EPHA5: variants seen among roughly 807,000 people sequenced by gnomAD.
The protein encoded by EPHA5 is ephrin type-A receptor 5.
A neutral mutation model predicts 105.0 loss-of-function variants in EPHA5; 60 were observed. That is an observed-to-expected ratio of 0.57 (90% confidence interval 0.46 to 0.71). The LOEUF (loss-of-function observed/expected upper bound fraction) is 0.71, where lower values mean the gene tolerates loss of function less well. Ranked by LOEUF, EPHA5 falls within the 30% of genes least tolerant of loss-of-function variation. EPHA5 has a pLI of 0.00. For missense variants in EPHA5, 1,218 were observed against 1,274.7 expected (o/e 0.96, Z 0.68); for synonymous variants, 513 against 449.1 (o/e 1.14, Z -1.80).
intron 5 of EPHA5, among the ~76,000 whole-genome samples, chr4:65,465,549 AGGAAG>A (rs761239394): frequency 0.08 from 6,112 of 76,142 alleles, 151 homozygotes; most frequent in Middle Eastern, 0.16. Context: ...AAGGAAGGAA[AGGAAG>A]GAAAGGAAGG....
chr4:65,667,507 C>T (rs992460982), intron 1 of EPHA5, among the ~76,000 whole-genome samples: 5 of 152,084 alleles, frequency 3.3e-5, no homozygotes, highest in Non-Finnish European at 5.9e-5. Flanking sequence ...TCCGTGTAGT[C>T]CAAGTTTTGC....
intron 5 of EPHA5, among the ~76,000 whole-genome samples, chr4:65,429,688 ATTAT>A (rs1308880371): frequency 2.6e-5 from 4 of 152,044 alleles, no homozygotes; most frequent in Non-Finnish European, 2.9e-5. Flanking sequence ...GTGATATTAA[ATTAT>A]TTATCTATTG....
At chr4:65,495,861 G>T (rs1731880952) in intron 3 of EPHA5, among the ~76,000 whole-genome samples, 1 of 152,100 alleles carries the variant, frequency 6.6e-6, no homozygotes, top group Admixed American at 6.6e-5. Context: ...AGTGCTTTGT[G>T]TATAGTTTTC....
chr4:65,491,338 G>C (rs2149216022), intron 4 of EPHA5, among the ~76,000 whole-genome samples: 1 of 152,030 alleles, frequency 6.6e-6, no homozygotes, highest in African/African-American at 2.4e-5. Flanking sequence ...ATTTTACTTT[G>C]ATATTGTTTT....
Position 65,401,904 on chromosome 4 carries a change from TGAGAGA to T in EPHA5, c.1793+2464_1793+2469del, listed in dbSNP as rs34334792. On this transcript the variant is annotated intron_variant, in intron 8 of 16. Transcript: ENST00000613740. ...TATAGAATTTGTGTATGTGTGTGTGTGAGAGAGAGAGAGAGAGAGAGAGAGAGAAAG... is the reference window on the plus strand; with the variant it reads ...TATAGAATTTGTGTATGTGTGTGTGTGAGAGAGAGAGAGAGAGAGAGAAAG... Among the ~76,000 whole-genome samples, 413 of 148,640 alleles carry T rather than the reference TGAGAGA, an allele frequency of 2.8e-3. 1 individual carries two copies. The highest frequency in any genetic ancestry group is 8.2e-3 in the African/African-American group (331 of 40,324).
intron 3 of EPHA5, among the ~76,000 whole-genome samples, chr4:65,600,558 C>G (rs1189001177): frequency 1.3e-5 from 2 of 152,042 alleles, no homozygotes; most frequent in Non-Finnish European, 2.9e-5. Context: ...GATAATCAAT[C>G]TACAGTCAAG....
intron 3 of EPHA5, among the ~76,000 whole-genome samples, chr4:65,566,488 A>T (rs1172331519): frequency 1.3e-5 from 2 of 151,766 alleles, no homozygotes; most frequent in African/African-American, 4.8e-5. Flanking sequence ...ACCATTTGCT[A>T]AATCAATTTC....
At position 65,643,881 on chromosome 4, in the gene EPHA5, C is replaced by T. The variant is rs182601904; in HGVS notation, c.182-454G>A. Among the ~76,000 whole-genome samples, 1,058 of 152,044 alleles carry T rather than the reference C, an allele frequency of 7.0e-3. 15 individuals carry two copies. Among genetic ancestry groups the T allele is most frequent in the African/African-American group, 0.024 (994 of 41,526 alleles). On this transcript the variant is annotated intron_variant, in intron 1 of 16. Transcript: ENST00000613740. ...CAATTAACAAATAATTTACATTAAA[C>T]AGCAATAAACTATTCCCAAGATTGT... is the stretch of plus-strand genomic sequence containing the variant.
In EPHA5 at chr4:65,348,816, T is replaced by TATATATATA. The variant is rs1553896844; in HGVS notation, c.2446-614_2446-613insTATATATAT. Reference sequence around the variant, plus strand: ...GTGTATATATATATATATATATATATTTTTTTTTTTTTTTTTTGAGACAGG... The same window carrying TATATATATA: ...GTGTATATATATATATATATATATATATATATATATTTTTTTTTTTTTTTTTGAGACAGG... On this transcript the variant is annotated intron_variant, in intron 13 of 16. Transcript: ENST00000613740. Among the ~76,000 whole-genome samples the TATATATATA allele has an allele frequency of 3.3e-4, 9 of 27,062 alleles. 1 individual carries two copies. Among genetic ancestry groups the TATATATATA allele is most frequent in the African/African-American group, 9.8e-4 (9 of 9,198 alleles). 17.8% of individuals were successfully genotyped at this position (27,062 alleles called of 152,430 possible).
intron 1 of EPHA5, among the ~76,000 whole-genome samples, chr4:65,645,779 A>G (rs996378519): frequency 1.3e-5 from 2 of 152,128 alleles, no homozygotes; most frequent in Non-Finnish European, 2.9e-5. Flanking sequence ...TTACAGTGAT[A>G]TGGTCAAATA....
At chr4:65,390,538 T>C (rs1720605829) in intron 8 of EPHA5, among the ~76,000 whole-genome samples, 1 of 152,038 alleles carries the variant, frequency 6.6e-6, no homozygotes, top group Admixed American at 6.6e-5. Context: ...TCCGTGTTTC[T>C]TCCTGTGGTC....
chr4:65,475,816 G>A (rs930598391), intron 5 of EPHA5, among the ~76,000 whole-genome samples: 1 of 152,066 alleles, frequency 6.6e-6, no homozygotes, highest in Non-Finnish European at 1.5e-5. Context: ...GATTTGACAC[G>A]AAATAGTAGA....
intron 5 of EPHA5, among the ~76,000 whole-genome samples, chr4:65,426,155 A>G (rs1402255992): frequency 6.6e-6 from 1 of 152,116 alleles, no homozygotes; most frequent in Non-Finnish European, 1.5e-5. Flanking sequence ...TAGGTTGCAC[A>G]TGCTCTATCC....
At chr4:65,420,636 C>T (rs34418451) in intron 5 of EPHA5, 71 bp from the exon 6 acceptor site, 39,278 of 1,393,870 alleles carry the variant, frequency 0.028, 692 homozygotes, top group African/African-American at 0.065. Flanking sequence ...ATGTTTATTA[C>T]GTATATTGGC....
intron 2 of EPHA5, among the ~76,000 whole-genome samples, chr4:65,616,736 C>G (rs962830714): frequency 1.3e-5 from 2 of 151,804 alleles, no homozygotes; most frequent in Non-Finnish European, 2.9e-5. Context: ...TTTTATTCCC[C>G]AAATTCTACT....
chr4:65,375,788 C>CACAA (rs1718941831), intron 8 of EPHA5, among the ~76,000 whole-genome samples: 1 of 69,706 alleles, frequency 1.4e-5, no homozygotes, highest in Non-Finnish European at 2.7e-5. Flanking sequence ...CACACACATA[C>CACAA]ACACACACAC....
intron 14 of EPHA5, among the ~76,000 whole-genome samples, chr4:65,345,863 C>A (rs1206941032): frequency 6.6e-6 from 1 of 152,056 alleles, no homozygotes; most frequent in African/African-American, 2.4e-5. Flanking sequence ...AGCTCTGCCT[C>A]CCGGGTTCAT....
At chr4:65,343,914 A>G (rs757766520) in intron 14 of EPHA5, among the ~76,000 whole-genome samples, 2 of 152,096 alleles carry the variant, frequency 1.3e-5, no homozygotes, top group Non-Finnish European at 2.9e-5. Context: ...GTGTTTTTCT[A>G]AGTAATTTGA....
Position 65,495,423 on chromosome 4 carries a change from C to T in EPHA5, c.1031G>A (p.Arg344Lys), listed in dbSNP as rs761254180. 2 of 1,613,598 alleles carry T rather than the reference C, an allele frequency of 1.2e-6. No individual in the cohort carries two copies. The highest frequency in any genetic ancestry group is 1.7e-5 in the Admixed American group (1 of 59,978). The part of the protein sequence containing the change: ...TSCVCEKDYF[R>K]RESDPPTMAC... ...CATTGTGGGTGGATCAGACTCTCTC[C>T]TGAAATAATCCTTTTCACAGACACA... Residue 344 changes from arginine (R) to lysine (K), a missense_variant, in exon 4 of 17, where the codon AGG becomes AAG. Physicochemically the swap from Arg to Lys is conservative, Grantham distance 26. Coordinates refer to ENST00000613740, the MANE Select transcript of EPHA5 (RefSeq NM_001281766.3).
Sources: gnomAD v4.1 joint callset for allele counts (sites outside exome capture counted in the v4.1 genomes callset) on GRCh38, gnomAD v4.1.1 for gene constraint, MANE v1.5 for transcripts, NCBI Gene and HGNC (gene_info 2026-07-23, HGNC 2026-07-21) for gene names.